Variants in STAG2 observed in about 807,000 individuals in gnomAD.
The protein encoded by STAG2 is cohesin subunit SA-2.
Under a neutral mutation model 108.1 loss-of-function variants are expected in STAG2, and 14 were observed. The ratio of observed to expected loss-of-function variants is 0.13; its 90% CI spans 0.09 to 0.20. The LOEUF is 0.20. Among genes scored for constraint, STAG2 ranks in the 10% least tolerant of loss-of-function variants. STAG2 has a pLI of 1.00. For synonymous variants in STAG2, 307 were observed against 302.7 expected (o/e 1.01, Z -0.15); for missense variants, 440 against 940.9 (o/e 0.47, Z 6.96).
chrX:123,986,152 GAT>G (rs1414449945), intron 1 of STAG2, among the ~76,000 whole-genome samples: 6 of 104,432 alleles, frequency 5.7e-5, no homozygotes, highest in East Asian at 2.9e-4. Context: ...ATGTATATAT[GAT>G]ATATATGATA....
At chrX:124,011,595 T>C (rs1228002615) in intron 1 of STAG2, among the ~76,000 whole-genome samples, 1 of 111,580 alleles carries the variant, frequency 9.0e-6, no homozygotes, top group Non-Finnish European at 1.9e-5. Context: ...ATTAGGTACT[T>C]TATAAAGAAA....
intron 1 of STAG2, among the ~76,000 whole-genome samples, chrX:123,972,288 T>C (rs866090167): frequency 1.9e-5 from 2 of 106,354 alleles, no homozygotes; most frequent in African/African-American, 3.4e-5. Context: ...TTTTTTTTTT[T>C]CTTTTTTTTT....
At chrX:123,975,584 C>G (rs1029440930) in intron 1 of STAG2, among the ~76,000 whole-genome samples, 1 of 111,840 alleles carries the variant, frequency 8.9e-6, no homozygotes, top group African/African-American at 3.3e-5. Context: ...CTGCCTCAGC[C>G]TCCTGATTAG....
At chrX:124,099,392 AAC>A (rs1178650424) in intron 34 of STAG2, among the ~76,000 whole-genome samples, 1 of 111,325 alleles carries the variant, frequency 9.0e-6, no homozygotes, top group Non-Finnish European at 1.9e-5. Context: ...TTTTGGTGGA[AAC>A]GTTCTAACCA....
Position 123,990,687 on chromosome X carries a change from G to A in STAG2, c.-163+28831G>A, listed in dbSNP as rs887960688. Among the ~76,000 whole-genome samples the A allele has an allele frequency of 4.5e-5, 5 of 111,777 alleles. No homozygotes were observed. The East Asian group carries it at 1.4e-3, about 31-fold the overall frequency. On this transcript the variant is annotated intron_variant, in intron 1 of 34. Coordinates refer to ENST00000371145, the MANE Select transcript of STAG2 (RefSeq NM_001042750.2). ...TGATGGAAACTTACATAAAGTATAG[G>A]AACAGAAAGAGGTAGTGATTATCTC...
chrX:124,060,012 A>G (rs988713100), intron 15 of STAG2, among the ~76,000 whole-genome samples: 2 of 111,626 alleles, frequency 1.8e-5, no homozygotes, highest in African/African-American at 6.5e-5. Context: ...AAGGATTTAG[A>G]TTTAGATTTT....
intron 32 of STAG2, 82 bp downstream of exon 32, chrX:124,091,046 T>C (rs2059242077): frequency 5.2e-6 from 4 of 773,193 alleles, no homozygotes; most frequent in Non-Finnish European, 7.4e-6. Flanking sequence ...TATCTAAAAA[T>C]TTCAGCAAAC....
chrX:124,069,116 T>C (rs1312658662), intron 24 of STAG2, among the ~76,000 whole-genome samples: 1 of 111,811 alleles, frequency 8.9e-6, no homozygotes, highest in Non-Finnish European at 1.9e-5. Flanking sequence ...CTTCCCTGTC[T>C]TCCAAGTGTT....
chrX:124,065,777 T>G, intron 20 of STAG2, 99 bp from the exon 21 acceptor site: 1 of 574,657 alleles, frequency 1.7e-6, no homozygotes, highest in Non-Finnish European at 2.5e-6. Flanking sequence ...ATTTGTGGGT[T>G]TTGTTATGTT....
intron 24 of STAG2, among the ~76,000 whole-genome samples, chrX:124,070,608 TTA>T (rs1480174293): frequency 1.8e-5 from 2 of 112,267 alleles, no homozygotes; most frequent in African/African-American, 3.2e-5. Context: ...CTGTATCTGG[TTA>T]TGTTTTCGCT....
intron 5 of STAG2, 116 bp downstream of exon 5, chrX:124,031,241 A>G: frequency 1.4e-6 from 1 of 734,565 alleles, no homozygotes; most frequent in African/African-American, 2.2e-5. Context: ...CTTATTAGAA[A>G]AAAGCAACAA....
chrX:123,980,161 A>G (rs1279657935), intron 1 of STAG2, among the ~76,000 whole-genome samples: 1 of 111,907 alleles, frequency 8.9e-6, no homozygotes, highest in Non-Finnish European at 1.9e-5. Flanking sequence ...TTGGAGAGAA[A>G]GAGACATTGG....
chrX:124,026,883 A>T (rs1283184761), intron 4 of STAG2, among the ~76,000 whole-genome samples: 1 of 111,102 alleles, frequency 9.0e-6, no homozygotes, highest in Non-Finnish European at 1.9e-5. Context: ...TCTATTTTTT[A>T]AATTAAATTT....
At chrX:123,989,938 T>G (rs2055370885) in intron 1 of STAG2, among the ~76,000 whole-genome samples, 1 of 111,459 alleles carries the variant, frequency 9.0e-6, no homozygotes, top group Non-Finnish European at 1.9e-5. Context: ...AACATTTTTT[T>G]TTGTTGCATT....
At chrX:124,087,818 G>A (rs2059143589) in intron 30 of STAG2, among the ~76,000 whole-genome samples, 1 of 112,404 alleles carries the variant, frequency 8.9e-6, no homozygotes, top group Admixed American at 9.4e-5. Flanking sequence ...TAACTCATCA[G>A]CTTTCATTTA....
chrX:124,061,731 A>AACTC (rs1355567318), intron 16 of STAG2, 40 bp from the exon 17 acceptor site: 18 of 1,006,241 alleles, frequency 1.8e-5, no homozygotes, highest in Admixed American at 1.0e-4. Flanking sequence ...GAAATAAGCT[A>AACTC]ACTCTTTCTG....
intron 17 of STAG2, 105 bp from the exon 18 acceptor site, chrX:124,062,797 C>A: frequency 1.7e-6 from 1 of 580,406 alleles, no homozygotes; most frequent in Non-Finnish European, 2.6e-6. Context: ...GTGTCCATCT[C>A]TTAAAATATA....
intron 10 of STAG2, among the ~76,000 whole-genome samples, chrX:124,049,374 A>G (rs1420319833): frequency 5.9e-4 from 66 of 112,038 alleles, no homozygotes; most frequent in Non-Finnish European, 9.8e-4. Flanking sequence ...CTATGTTAGT[A>G]GAGCCTGCAC....
At chrX:124,047,989 G>A (rs984250313) in intron 9 of STAG2, among the ~76,000 whole-genome samples, 7 of 112,241 alleles carry the variant, frequency 6.2e-5, no homozygotes, top group South Asian at 3.7e-4. Context: ...AGCCTTATGC[G>A]AAATAACAGT....
Sources: allele counts gnomAD v4.1 joint callset (sites outside exome capture counted in the v4.1 genomes callset), GRCh38; gene constraint gnomAD v4.1.1; transcripts MANE v1.5; gene names NCBI Gene and HGNC (gene_info 2026-07-23, HGNC 2026-07-21).